Variants in CPNE8 observed in about 807,000 individuals in gnomAD.
CPNE8 encodes copine 8.
CPNE8 carries 45 observed loss-of-function variants against 81.5 expected under a neutral mutation model. The observed-to-expected ratio is 0.55, with a 90% CI of 0.44 to 0.71. CPNE8 has a LOEUF of 0.71. Among genes scored for constraint, CPNE8 ranks in the 30% least tolerant of loss-of-function variants. CPNE8 has a pLI of 0.00. For missense variants in CPNE8, 594 were observed against 672.1 expected (o/e 0.88, Z 1.28); for synonymous variants, 252 against 226.3 (o/e 1.11, Z -1.02).
chr12:38,838,561 A>G (rs934631817), intron 5 of CPNE8, among the ~76,000 whole-genome samples: 2 of 152,204 alleles, frequency 1.3e-5, no homozygotes, highest in African/African-American at 4.8e-5. Context: ...GACATTTGCA[A>G]AACTTCCAAT....
intron 13 of CPNE8, among the ~76,000 whole-genome samples, chr12:38,704,683 G>T (rs1288708668): frequency 2.0e-5 from 3 of 151,502 alleles, no homozygotes; most frequent in African/African-American, 7.3e-5. Flanking sequence ...TGGCTGATTG[G>T]GAGCTGTGGC....
intron 10 of CPNE8, among the ~76,000 whole-genome samples, chr12:38,734,484 AT>A (rs1940908553): frequency 6.6e-6 from 1 of 152,000 alleles, no homozygotes; most frequent in Non-Finnish European, 1.5e-5. Flanking sequence ...ACATCTGAAG[AT>A]TTTCCTGAAG....
chr12:38,771,262 A>G (rs1399339664), intron 7 of CPNE8, among the ~76,000 whole-genome samples: 1 of 151,466 alleles, frequency 6.6e-6, no homozygotes, highest in Admixed American at 6.6e-5. Flanking sequence ...GGAGTTCAAG[A>G]CCAGCCTGGA....
intron 1 of CPNE8, among the ~76,000 whole-genome samples, chr12:38,889,572 T>C (rs1318764096): frequency 6.6e-6 from 1 of 152,204 alleles, no homozygotes; most frequent in Non-Finnish European, 1.5e-5. Context: ...AAGATCCTGA[T>C]GACTCATTAT....
Position 38,805,974 on chromosome 12 carries a change from C to T in CPNE8, c.407+23405G>A, listed in dbSNP as rs976856644. Among the ~76,000 whole-genome samples the T allele has an allele frequency of 6.0e-5, 9 of 150,262 alleles. 1 individual carries two copies. In the South Asian group the frequency reaches 6.5e-4, roughly 11 times the overall value. ...CTACCATCAGAGAATACTACAAACA[C>T]CTCTACGCAAATAAACTAGAAAATC... is the stretch of plus-strand genomic sequence containing the variant. On this transcript the variant is annotated intron_variant, in intron 6 of 19. Transcript: ENST00000331366.
intron 13 of CPNE8, among the ~76,000 whole-genome samples, chr12:38,719,020 T>C (rs1162066247): frequency 6.6e-6 from 1 of 151,970 alleles, no homozygotes; most frequent in African/African-American, 2.4e-5. Context: ...ATACACAAAT[T>C]ACACCGAGAG....
At chr12:38,751,837 C>T (rs968683985) in intron 10 of CPNE8, among the ~76,000 whole-genome samples, 2 of 152,140 alleles carry the variant, frequency 1.3e-5, no homozygotes, top group Non-Finnish European at 2.9e-5. Context: ...TCCCTTATAA[C>T]ATCACTTTTT....
chr12:38,862,358 T>C (rs957597118), intron 3 of CPNE8, among the ~76,000 whole-genome samples: 5 of 152,040 alleles, frequency 3.3e-5, no homozygotes, highest in African/African-American at 7.2e-5. Context: ...TTATTATGAT[T>C]ATGGAGAAGC....
intron 15 of CPNE8, among the ~76,000 whole-genome samples, chr12:38,686,868 A>T (rs1007758842): frequency 2.0e-5 from 3 of 152,186 alleles, no homozygotes; most frequent in African/African-American, 4.8e-5. Flanking sequence ...CAAAGCCCCA[A>T]TGCCTTTTAT....
intron 8 of CPNE8, among the ~76,000 whole-genome samples, chr12:38,767,383 A>G (rs771174275): frequency 6.6e-6 from 1 of 152,084 alleles, no homozygotes; most frequent in African/African-American, 2.4e-5. Flanking sequence ...TATTAACTCA[A>G]TGTTATAATT....
At chr12:38,763,779 C>A (rs1941620127) in intron 8 of CPNE8, among the ~76,000 whole-genome samples, 1 of 152,130 alleles carries the variant, frequency 6.6e-6, no homozygotes. Context: ...TTCATCAAGA[C>A]CTTAGTCATA....
At chr12:38,717,765 A>G (rs934668822) in intron 13 of CPNE8, among the ~76,000 whole-genome samples, 2 of 151,644 alleles carry the variant, frequency 1.3e-5, no homozygotes, top group Admixed American at 6.6e-5. Flanking sequence ...CCACTAAAGA[A>G]CTTATCCATG....
At chr12:38,880,522 TGA>T (rs1258417875) in intron 1 of CPNE8, among the ~76,000 whole-genome samples, 2 of 152,210 alleles carry the variant, frequency 1.3e-5, no homozygotes, top group African/African-American at 2.4e-5. Flanking sequence ...TGAAAATCCC[TGA>T]GAGTGACAGC....
intron 19 of CPNE8, among the ~76,000 whole-genome samples, chr12:38,661,511 A>T (rs912169536): frequency 1.4e-4 from 22 of 152,150 alleles, no homozygotes; most frequent in African/African-American, 5.3e-4. Context: ...AATGTAAATG[A>T]TGAGTTGATG....
chr12:38,767,481 G>A (rs1941713400), intron 8 of CPNE8, among the ~76,000 whole-genome samples, 154 bp downstream of exon 8: 1 of 151,898 alleles, frequency 6.6e-6, no homozygotes. Context: ...TTATAAAGTT[G>A]CACAATATTT....
At chr12:38,789,035 T>C (rs1414800266) in intron 6 of CPNE8, among the ~76,000 whole-genome samples, 1 of 151,764 alleles carries the variant, frequency 6.6e-6, no homozygotes, top group Non-Finnish European at 1.5e-5. Context: ...ACCCTAAGCA[T>C]TCTACAGTTT....
At chr12:38,770,372 C>A (rs1941776918) in intron 7 of CPNE8, among the ~76,000 whole-genome samples, 1 of 152,188 alleles carries the variant, frequency 6.6e-6, no homozygotes, top group Non-Finnish European at 1.5e-5. Flanking sequence ...TTGCTCAAAT[C>A]TTTACTTTGG....
At chr12:38,839,158 C>T (rs1003529099) in intron 5 of CPNE8, among the ~76,000 whole-genome samples, 34 of 152,224 alleles carry the variant, frequency 2.2e-4, no homozygotes, top group South Asian at 6.2e-4. Context: ...CTCATTCAGC[C>T]CTTCCTACTG....
chr12:38,812,263 AC>A (rs1328183733), intron 6 of CPNE8, among the ~76,000 whole-genome samples: 1 of 152,184 alleles, frequency 6.6e-6, no homozygotes, highest in Non-Finnish European at 1.5e-5. Context: ...TGGAAAATTC[AC>A]CCAAATGGTA....
Sources: gnomAD v4.1 joint callset for allele counts (sites outside exome capture counted in the v4.1 genomes callset) on GRCh38, gnomAD v4.1.1 for gene constraint, MANE v1.5 for transcripts, NCBI Gene and HGNC (gene_info 2026-07-23, HGNC 2026-07-21) for gene names.